Variants in ASZ1 observed in about 807,000 individuals in gnomAD.
ASZ1 encodes ankyrin repeat, SAM and basic leucine zipper domain-containing protein 1.
Under a neutral mutation model 61.8 loss-of-function variants are expected in ASZ1, and 67 were observed. The observed-to-expected ratio is 1.08, with a 90% CI of 0.89 to 1.33. ASZ1 has a LOEUF of 1.33. ASZ1 is among the 40% of genes most tolerant of loss of function. The pLI, the probability that ASZ1 is intolerant of heterozygous loss-of-function variation, is 0.00. For missense variants in ASZ1, 577 were observed against 554.5 expected, an observed-to-expected ratio of 1.04 and a Z score of -0.41; for synonymous variants, 193 against 192.7, an observed-to-expected ratio of 1.00 and a Z score of -0.01.
At position 117,427,365 on chromosome 7, in the gene ASZ1, C is replaced by T; in HGVS notation, c.96G>A (p.Arg32=). 6.2e-7 allele frequency: 1 copy of T among 1,614,224 alleles called. No individual in the cohort carries two copies. Among genetic ancestry groups the T allele is most frequent in the Non-Finnish European group, 8.5e-7 (1 of 1,180,010 alleles). The change falls in exon 1 of 13, where the codon CGG becomes CGA. Residue 32 remains arginine (R), a synonymous_variant. Coordinates refer to ENST00000284629, the MANE Select transcript of ASZ1 (RefSeq NM_130768.3). ...AGGCCTCCTCCGCTACCTGAGACGT[C>T]CGGTCGAGATACCCAATCTCCCAGC... is the stretch of plus-strand genomic sequence containing the variant. The part of the protein sequence containing the change: ...DDGWEIGYLD[R]TSQKLKRLLP...
At chr7:117,379,343 T>C (rs139822173) in intron 10 of ASZ1, among the ~76,000 whole-genome samples, 208 of 151,514 alleles carry the variant, frequency 1.4e-3, no homozygotes, top group African/African-American at 4.5e-3. Context: ...CTGTGTATCT[T>C]TGAAATATCC....
At chr7:117,399,772 A>G (rs918028961) in intron 4 of ASZ1, among the ~76,000 whole-genome samples, 1 of 152,234 alleles carries the variant, frequency 6.6e-6, no homozygotes, top group African/African-American at 2.4e-5. Context: ...ATTGTTCCAA[A>G]ATTAGATAAT....
intron 6 of ASZ1, among the ~76,000 whole-genome samples, chr7:117,384,168 C>T (rs1796305444): frequency 1.3e-5 from 2 of 151,820 alleles, no homozygotes; most frequent in Admixed American, 1.3e-4. Context: ...ATCTTCAGAC[C>T]AAAAGTTTAT....
intron 9 of ASZ1, 130 bp from the exon 10 acceptor site, chr7:117,380,177 C>T (rs888913776): frequency 6.4e-5 from 39 of 611,520 alleles, no homozygotes; most frequent in Non-Finnish European, 8.8e-5. Flanking sequence ...AAAAATAACA[C>T]ACTTCTAAAA....
intron 10 of ASZ1, among the ~76,000 whole-genome samples, chr7:117,373,201 T>G (rs2116453410): frequency 6.6e-6 from 1 of 152,226 alleles, no homozygotes; most frequent in African/African-American, 2.4e-5. Flanking sequence ...CTGTTCAAAA[T>G]ATCTAAAATT....
chr7:117,367,231 TTTTCCCACTTGTC>T, intron 12 of ASZ1, 108 bp downstream of exon 12: 1 of 755,196 alleles, frequency 1.3e-6, no homozygotes, highest in Non-Finnish European at 1.8e-6. Context: ...AAACTGTCCT[TTTTCCCACTTGTC>T]TAAGTGTTCC....
Position 117,420,275 on chromosome 7 carries a change from C to A in ASZ1, c.329-1G>T. 1 of 1,608,378 alleles carries A rather than the reference C, an allele frequency of 6.2e-7. No individual in the cohort carries two copies. Among genetic ancestry groups the A allele is most frequent in the South Asian group, 1.1e-5 (1 of 90,530 alleles). ...GCAGTTATCAAAATACTTTGCTTATCTATAGTGAATAGAAAAGTGAGGAAA... is the reference window on the plus strand; with the variant it reads ...GCAGTTATCAAAATACTTTGCTTATATATAGTGAATAGAAAAGTGAGGAAA... On this transcript the variant is annotated splice_acceptor_variant, in intron 3 of 12. Transcript: ENST00000284629. LOFTEE classifies it high-confidence loss of function.
intron 12 of ASZ1, among the ~76,000 whole-genome samples, chr7:117,366,026 G>T (rs1294151800): frequency 6.6e-6 from 1 of 152,228 alleles, no homozygotes; most frequent in African/African-American, 2.4e-5. Context: ...CACACTCGGA[G>T]GCCGAGGCAA....
chr7:117,384,652 G>T (rs1339828946), intron 6 of ASZ1, 74 bp downstream of exon 6: 7 of 1,468,420 alleles, frequency 4.8e-6, no homozygotes, highest in Non-Finnish European at 6.5e-6. Context: ...AATTCTAACA[G>T]AATAATACAA....
At chr7:117,398,110 G>C (rs1796609960) in intron 4 of ASZ1, among the ~76,000 whole-genome samples, 1 of 152,210 alleles carries the variant, frequency 6.6e-6, no homozygotes, top group African/African-American at 2.4e-5. Flanking sequence ...TTTATATACA[G>C]TTCAGTATTA....
chr7:117,367,225 T>C, intron 12 of ASZ1, 127 bp downstream of exon 12: 7 of 669,406 alleles, frequency 1.0e-5, no homozygotes, highest in Non-Finnish European at 1.5e-5. Flanking sequence ...CTTTGGAAAC[T>C]GTCCTTTTTC....
chr7:117,376,499 A>T (rs1413211983), intron 10 of ASZ1, among the ~76,000 whole-genome samples: 2 of 152,136 alleles, frequency 1.3e-5, no homozygotes, highest in East Asian at 3.8e-4. Context: ...CAAAAAGGAA[A>T]CTTACAGAGC....
chr7:117,409,728 A>G (rs1796856837), intron 4 of ASZ1, among the ~76,000 whole-genome samples: 1 of 151,858 alleles, frequency 6.6e-6, no homozygotes, highest in African/African-American at 2.4e-5. Context: ...ATATGAAAAC[A>G]TATTTTTATT....
intron 10 of ASZ1, among the ~76,000 whole-genome samples, chr7:117,375,097 A>T (rs865808404): frequency 6.6e-6 from 1 of 152,072 alleles, no homozygotes; most frequent in Non-Finnish European, 1.5e-5. Flanking sequence ...TGGTGTTGCT[A>T]AGTGACATAA....
In ASZ1 at chr7:117,370,804, T is replaced by TTGTGTGTGTGTGTG. The variant is rs3138784; in HGVS notation, c.1056-2101_1056-2088dup. 1.4e-3 allele frequency among the ~76,000 whole-genome samples: 187 copies of TTGTGTGTGTGTGTG among 133,296 alleles called. 1 individual carries two copies. Among genetic ancestry groups the TTGTGTGTGTGTGTG allele is most frequent in the Non-Finnish European group, 1.6e-3 (102 of 62,356 alleles). 87.4% of individuals were successfully genotyped at this position (133,296 alleles called of 152,430 possible). ...ATTACTATTATTGGACCAAAGGTAA[T>TTGTGTGTGTGTGTG]TGTGTGTGTGTGTGTGTGTGTGTGT... On this transcript the variant is annotated intron_variant, in intron 10 of 12. Coordinates refer to ENST00000284629, the MANE Select transcript of ASZ1 (RefSeq NM_130768.3).
intron 4 of ASZ1, among the ~76,000 whole-genome samples, chr7:117,410,196 C>T (rs1417458990): frequency 6.6e-6 from 1 of 151,666 alleles, no homozygotes; most frequent in African/African-American, 2.4e-5. Context: ...ATATGCAACA[C>T]TTTTTACAAA....
intron 7 of ASZ1, 147 bp downstream of exon 7, chr7:117,382,838 TG>T: frequency 1.1e-6 from 1 of 911,670 alleles, no homozygotes; most frequent in Non-Finnish European, 1.4e-6. Flanking sequence ...TCTAAAATTC[TG>T]GAGAACACTA....
At chr7:117,408,151 CA>C (rs964930897) in intron 4 of ASZ1, among the ~76,000 whole-genome samples, 1 of 152,104 alleles carries the variant, frequency 6.6e-6, no homozygotes, top group Non-Finnish European at 1.5e-5. Flanking sequence ...CTGTGGAGGT[CA>C]GGGGGTAGTG....
At chr7:117,412,936 C>T (rs993482293) in intron 4 of ASZ1, among the ~76,000 whole-genome samples, 2 of 151,792 alleles carry the variant, frequency 1.3e-5, no homozygotes, top group African/African-American at 2.4e-5. Context: ...TTTACTATGT[C>T]AAGTTTCAAT....
Sources: allele counts gnomAD v4.1 joint callset (sites outside exome capture counted in the v4.1 genomes callset), GRCh38; gene constraint gnomAD v4.1.1; transcripts MANE v1.5; gene names NCBI Gene and HGNC (gene_info 2026-07-23, HGNC 2026-07-21).